Variants in SH3KBP1 observed in about 807,000 individuals in gnomAD.
SH3KBP1 encodes SH3 domain containing kinase binding protein 1.
A neutral mutation model predicts 50.1 loss-of-function variants in SH3KBP1; 8 were observed. The observed-to-expected ratio is 0.16, with a 90% CI of 0.09 to 0.29. SH3KBP1 has a LOEUF of 0.29. Among genes scored for constraint, SH3KBP1 ranks in the 10% least tolerant of loss-of-function variants. The pLI, the probability that SH3KBP1 is intolerant of heterozygous loss-of-function variation, is 1.00. For synonymous variants in SH3KBP1, 227 were observed against 218.6 expected, an observed-to-expected ratio of 1.04 and a Z score of -0.34; for missense variants, 377 against 535.2, an observed-to-expected ratio of 0.70 and a Z score of 2.92.
intron 2 of SH3KBP1, among the ~76,000 whole-genome samples, chrX:19,828,262 G>GTT (rs1180364750): frequency 1.9e-5 from 2 of 103,692 alleles, no homozygotes; most frequent in African/African-American, 7.0e-5. Context: ...TTCCACTGAG[G>GTT]TTTTTTTTTT....
At chrX:19,874,165 G>A (rs2069168507) in intron 1 of SH3KBP1, among the ~76,000 whole-genome samples, 1 of 100,442 alleles carries the variant, frequency 1.0e-5, no homozygotes, top group Non-Finnish European at 2.0e-5. Flanking sequence ...GTGGGATGGA[G>A]AAGGCCAGTA....
intron 2 of SH3KBP1, among the ~76,000 whole-genome samples, chrX:19,803,855 C>T: frequency 8.9e-6 from 1 of 112,204 alleles, no homozygotes; most frequent in East Asian, 2.8e-4. Context: ...TCTAACCTGT[C>T]CTGGCTCCCC....
chrX:19,581,160 C>T (rs1463273075), intron 12 of SH3KBP1, among the ~76,000 whole-genome samples: 1 of 111,329 alleles, frequency 9.0e-6, no homozygotes, highest in African/African-American at 3.3e-5. Context: ...CTAGGCTAGT[C>T]TAGAACTCCT....
At position 19,695,709 on chromosome X, in the gene SH3KBP1, G is replaced by A. The variant is rs184591130; in HGVS notation, c.423C>T (p.Asn141=). 166 of 1,206,383 alleles carry A rather than the reference G, an allele frequency of 1.4e-4. No individual in the cohort carries two copies. The East Asian group carries it at 2.3e-3, about 16-fold the overall frequency. The change falls in exon 5 of 18, where the codon AAC becomes AAT. Residue 141 remains asparagine, a synonymous_variant. Transcript: ENST00000397821. The part of the protein sequence containing the change: ...VEEGWWEGVL[N]GKTGMFPSNF... The stretch of plus-strand genomic sequence containing the variant: ...TGGAAGGAAACATTCCAGTCTTCCC[G>A]TTGAGAACACCTTCCCACCATCCTT...
Position 19,536,306 on chromosome X carries a change from G to C in SH3KBP1, c.*111C>G. ...CTTTTGTGCTAATCTTTCAAACAGG[G>C]ACATTTTGAGGCAAACCTTTAATCT... is the stretch of plus-strand genomic sequence containing the variant. On this transcript the variant is annotated 3_prime_UTR_variant, in exon 18 of 18. Transcript: ENST00000397821. 2.0e-6 allele frequency: 1 copy of C among 489,312 alleles called. No homozygotes were observed. Among genetic ancestry groups the C allele is most frequent in the Non-Finnish European group, 3.5e-6 (1 of 283,755 alleles). The allele number at this position is 489,312 out of a possible 1,213,427, so 40.3% of individuals were successfully genotyped here. A position where few individuals can be genotyped will look rare whatever the true frequency, so the allele number is the denominator to read the frequency against.
intron 3 of SH3KBP1, among the ~76,000 whole-genome samples, chrX:19,744,338 A>T (rs921547640): frequency 8.9e-6 from 1 of 111,996 alleles, no homozygotes; most frequent in Non-Finnish European, 1.9e-5. Flanking sequence ...ACAATGAACT[A>T]TTTATCTGGC....
intron 1 of SH3KBP1, among the ~76,000 whole-genome samples, chrX:19,884,661 G>A (rs1024515043): frequency 8.9e-6 from 1 of 112,557 alleles, no homozygotes; most frequent in Non-Finnish European, 1.9e-5. Context: ...TAAATACATT[G>A]CCAAAGGCTA....
intron 2 of SH3KBP1, among the ~76,000 whole-genome samples, chrX:19,765,463 T>C (rs1379572973): frequency 9.0e-6 from 1 of 111,284 alleles, no homozygotes; most frequent in East Asian, 2.8e-4. Context: ...GCCAGCAGTA[T>C]AGCATCTTCA....
intron 2 of SH3KBP1, among the ~76,000 whole-genome samples, chrX:19,774,626 A>G (rs898611685): frequency 9.8e-6 from 1 of 101,725 alleles, no homozygotes; most frequent in Non-Finnish European, 2.0e-5. Flanking sequence ...AGCCGAGTTC[A>G]CGCCACTGCA....
At chrX:19,700,185 C>T (rs192463598) in intron 4 of SH3KBP1, among the ~76,000 whole-genome samples, 1 of 111,354 alleles carries the variant, frequency 9.0e-6, no homozygotes, top group Admixed American at 9.5e-5. Flanking sequence ...AGTGACACAT[C>T]AAAGTCTAAG....
At chrX:19,753,348 T>C (rs1213656314) in intron 2 of SH3KBP1, among the ~76,000 whole-genome samples, 1 of 112,144 alleles carries the variant, frequency 8.9e-6, no homozygotes, top group Non-Finnish European at 1.9e-5. Context: ...AAAACCATTT[T>C]GCAAAATTAC....
chrX:19,542,673 G>A (rs749274933), intron 15 of SH3KBP1, among the ~76,000 whole-genome samples: 76 of 111,776 alleles, frequency 6.8e-4, no homozygotes, highest in African/African-American at 2.3e-3. Flanking sequence ...GGCAGGCATC[G>A]CAAGCAGGTG....
At chrX:19,555,529 A>T (rs1039143832) in intron 13 of SH3KBP1, among the ~76,000 whole-genome samples, 106 of 112,194 alleles carry the variant, frequency 9.4e-4, no homozygotes, top group Non-Finnish European at 1.7e-3. Context: ...GGGAGCTCCT[A>T]AATTGTTCTC....
chrX:19,654,475 T>C (rs2062221389), intron 6 of SH3KBP1, among the ~76,000 whole-genome samples: 1 of 111,540 alleles, frequency 9.0e-6, no homozygotes, highest in African/African-American at 3.3e-5. Flanking sequence ...TGACAGTATA[T>C]GAAAACACTG....
chrX:19,813,016 G>A (rs932387801), intron 2 of SH3KBP1, among the ~76,000 whole-genome samples: 6 of 109,115 alleles, frequency 5.5e-5, no homozygotes, highest in African/African-American at 1.4e-4. Context: ...GGTGGTACGC[G>A]CCTGTAGTCC....
intron 2 of SH3KBP1, among the ~76,000 whole-genome samples, chrX:19,805,916 T>C (rs1292924353): frequency 8.9e-6 from 1 of 111,838 alleles, no homozygotes; most frequent in Non-Finnish European, 1.9e-5. Context: ...TGCTCAGTTA[T>C]TGCTAATGGT....
intron 9 of SH3KBP1, among the ~76,000 whole-genome samples, chrX:19,605,282 G>A (rs1425716596): frequency 1.8e-5 from 2 of 111,077 alleles, no homozygotes; most frequent in Admixed American, 9.6e-5. Flanking sequence ...CACAAATAAC[G>A]ACGTGAGGTA....
chrX:19,656,813 T>G (rs1018872628), intron 6 of SH3KBP1, among the ~76,000 whole-genome samples: 12 of 111,909 alleles, frequency 1.1e-4, no homozygotes, highest in African/African-American at 3.9e-4. Flanking sequence ...AATCTACCAT[T>G]TGAAAACTAA....
At chrX:19,623,686 AAAAC>A (rs760050877) in intron 8 of SH3KBP1, among the ~76,000 whole-genome samples, 93 of 112,470 alleles carry the variant, frequency 8.3e-4, no homozygotes, top group Non-Finnish European at 1.4e-3. Context: ...TCCATCTCAA[AAAAC>A]AAACAAACAA....
Sources: gnomAD v4.1 joint callset for allele counts (sites outside exome capture counted in the v4.1 genomes callset) on GRCh38, gnomAD v4.1.1 for gene constraint, MANE v1.5 for transcripts, NCBI Gene and HGNC (gene_info 2026-07-23, HGNC 2026-07-21) for gene names.